KIF3B: variants seen among roughly 807,000 people sequenced by gnomAD.
KIF3B encodes kinesin-like protein KIF3B.
Under a neutral mutation model 74.3 loss-of-function variants are expected in KIF3B, and 38 were observed. The observed-to-expected ratio is 0.51, with a 90% confidence interval of 0.39 to 0.67. The LOEUF (loss-of-function observed/expected upper bound fraction) is 0.67. Ranked by LOEUF, KIF3B falls within the 30% of genes least tolerant of loss-of-function variation. The probability of loss-of-function intolerance (pLI) is 0.00; values close to 1 mark genes in which losing one functional copy is unlikely to be tolerated. For missense variants in KIF3B, 649 were observed against 932.0 expected (o/e 0.70, Z 3.95); for synonymous variants, 326 against 342.5 (o/e 0.95, Z 0.53).
chr20:32,316,655 A>C lies in KIF3B; in HGVS notation c.1629+6A>C. On this transcript the variant is annotated splice_donor_region_variant and intron_variant, in intron 4 of 8. Coordinates refer to ENST00000375712, the MANE Select transcript of KIF3B (RefSeq NM_004798.4). ...AGACCAAAAAACTCAAAAAGGTATG[A>C]AAGGAATGAGGCCAGATGGAGTTGC... 1 of 1,614,180 alleles carries C rather than the reference A, an allele frequency of 6.2e-7. No individual in the cohort carries two copies. The highest frequency in any genetic ancestry group is 1.1e-5 in the South Asian group (1 of 91,082).
At chr20:32,330,477 G>A (rs1600441994) in intron 8 of KIF3B, among the ~76,000 whole-genome samples, 158 bp downstream of exon 8, 1 of 152,156 alleles carries the variant, frequency 6.6e-6, no homozygotes, top group South Asian at 2.1e-4. Context: ...AAATATTTAT[G>A]GTTGAGACAC....
chr20:32,303,305 C>A (rs1204673478), intron 1 of KIF3B, among the ~76,000 whole-genome samples: 1 of 152,146 alleles, frequency 6.6e-6, no homozygotes, highest in Non-Finnish European at 1.5e-5. Flanking sequence ...TGGCTCATGC[C>A]TGTAATCCCA....
intron 1 of KIF3B, among the ~76,000 whole-genome samples, chr20:32,301,657 G>A (rs1396458419): frequency 6.6e-6 from 1 of 152,152 alleles, no homozygotes; most frequent in African/African-American, 2.4e-5. Context: ...GATTACAGAT[G>A]TGAGCCACCA....
intron 1 of KIF3B, among the ~76,000 whole-genome samples, chr20:32,296,487 C>T (rs2047717716): frequency 6.6e-6 from 1 of 151,988 alleles, no homozygotes; most frequent in Non-Finnish European, 1.5e-5. Flanking sequence ...GCCATCCCAG[C>T]TACTCGGGAG....
chr20:32,320,551 T>C (rs2047855311), intron 5 of KIF3B, among the ~76,000 whole-genome samples: 1 of 151,240 alleles, frequency 6.6e-6, no homozygotes, highest in African/African-American at 2.4e-5. Context: ...TAAGGCCTTC[T>C]TCTGTCAATC....
intron 1 of KIF3B, among the ~76,000 whole-genome samples, chr20:32,299,484 C>T (rs1358479953): frequency 2.1e-5 from 3 of 139,930 alleles, no homozygotes; most frequent in Admixed American, 7.5e-5. Context: ...AATCTCAGCT[C>T]GCTTGCAACC....
intron 2 of KIF3B, among the ~76,000 whole-genome samples, chr20:32,314,917 C>T (rs145736937): frequency 7.2e-5 from 11 of 152,208 alleles, no homozygotes; most frequent in South Asian, 2.1e-4. Flanking sequence ...TCAGAGCCTG[C>T]TCTTGCCTTC....
At chr20:32,319,267 C>T (rs1600434471) in intron 5 of KIF3B, among the ~76,000 whole-genome samples, 1 of 151,152 alleles carries the variant, frequency 6.6e-6, no homozygotes, top group East Asian at 2.0e-4. Flanking sequence ...GGCCTCTCCA[C>T]ATCCTTGTCG....
At chr20:32,318,302 C>CA (rs11484333) in intron 5 of KIF3B, among the ~76,000 whole-genome samples, 97,214 of 145,184 alleles carry the variant, frequency 0.67, 33,284 homozygotes, top group East Asian at 0.98. Context: ...ATTCTTGTCT[C>CA]AAAAAAAAAA....
Position 32,295,228 on chromosome 20 carries a change from A to T in KIF3B, c.-65-14485A>T, listed in dbSNP as rs190776447. Among the ~76,000 whole-genome samples, 104 of 152,132 alleles carry T rather than the reference A, an allele frequency of 6.8e-4. No homozygotes were observed. The Middle Eastern group carries it at 0.017, about 25-fold the overall frequency. ...CTTATATGTTCTTTCTGTAAGGGAC[A>T]TTTTGAAACTTTTTAGACAGTTCAC... On this transcript the variant is annotated intron_variant, in intron 1 of 8. Coordinates refer to ENST00000375712, the MANE Select transcript of KIF3B (RefSeq NM_004798.4).
chr20:32,310,442 C>T lies in KIF3B; in HGVS notation c.665C>T (p.Thr222Ile). The T allele has an allele frequency of 6.2e-7, 1 of 1,614,168 alleles. No homozygotes were observed. The highest frequency in any genetic ancestry group is 8.5e-7 in the Non-Finnish European group (1 of 1,180,046). Reference sequence around the variant, plus strand: ...CGTTCTCATGCAATTTTCGTTATCACTATTGAGTGCAGCGAGGTGGGCCTC... The same window carrying T: ...CGTTCTCATGCAATTTTCGTTATCATTATTGAGTGCAGCGAGGTGGGCCTC... ...SSRSHAIFVI[T>I]IECSEVGLDG... The change falls in exon 2 of 9, where the codon ACT becomes ATT. Residue 222 changes from threonine to isoleucine, a missense_variant. By Grantham distance (89) the Thr-to-Ile change is moderately conservative (BLOSUM62 -1). Coordinates refer to ENST00000375712, the MANE Select transcript of KIF3B (RefSeq NM_004798.4). The surrounding 1 kb of genome is among the most constrained non-coding windows in gnomAD (Gnocchi z 6.5).
chr20:32,306,515 A>G (rs2047771956), intron 1 of KIF3B, among the ~76,000 whole-genome samples: 1 of 152,024 alleles, frequency 6.6e-6, no homozygotes. Context: ...GGGATTGAAA[A>G]GTATTATTAG....
chr20:32,290,758 A>G (rs1405669558), intron 1 of KIF3B, among the ~76,000 whole-genome samples: 1 of 151,982 alleles, frequency 6.6e-6, no homozygotes. Context: ...ATGTACCTGT[A>G]GTCTCAGCTA....
At chr20:32,325,724 G>A (rs1270992419) in intron 5 of KIF3B, among the ~76,000 whole-genome samples, 5 of 128,208 alleles carry the variant, frequency 3.9e-5, no homozygotes, top group African/African-American at 1.5e-4. Flanking sequence ...CCAGAGTGCA[G>A]TGGTGTGATC....
intron 1 of KIF3B, among the ~76,000 whole-genome samples, chr20:32,299,403 A>AT (rs11473044): frequency 1.1e-3 from 10 of 9,026 alleles, no homozygotes; most frequent in Non-Finnish European, 8.6e-4. Context: ...ATATATATAT[A>AT]TTTTTTTTTT....
chr20:32,310,486 C>T lies in KIF3B; in HGVS notation c.709C>T (p.Arg237Cys), dbSNP rs1388972128. 7 of 1,613,714 alleles carry T rather than the reference C, an allele frequency of 4.3e-6. No homozygotes were observed. Among genetic ancestry groups the T allele is most frequent in the Admixed American group, 1.7e-5 (1 of 59,996 alleles). The change falls in exon 2 of 9, where the codon CGT becomes TGT. Residue 237 changes from arginine (R) to cysteine (C), a missense_variant. Arg to Cys is a radical substitution (Grantham distance 180). Coordinates refer to ENST00000375712, the MANE Select transcript of KIF3B (RefSeq NM_004798.4). This position sits in a 1 kb window ranked among gnomAD's most constrained non-coding sequence, Gnocchi z 6.5. The stretch of plus-strand genomic sequence containing the variant: ...GGGCCTCGATGGTGAAAACCACATC[C>T]GTGTAGGAAAATTGAACCTTGTAGA... ...EVGLDGENHI[R>C]VGKLNLVDLA...
intron 1 of KIF3B, among the ~76,000 whole-genome samples, chr20:32,291,320 T>A (rs2047690242): frequency 6.6e-6 from 1 of 152,158 alleles, no homozygotes. Context: ...GGGTGATTTT[T>A]TTTTCATTTG....
intron 1 of KIF3B, among the ~76,000 whole-genome samples, chr20:32,301,400 G>A (rs1600423825): frequency 1.3e-5 from 2 of 150,662 alleles, no homozygotes; most frequent in Non-Finnish European, 2.9e-5. Context: ...TTTTTGAGAC[G>A]TAGTTCTGCT....
At position 32,299,396 on chromosome 20, in the gene KIF3B, TA is replaced by T. The variant is rs1242167027; in HGVS notation, c.-65-10316del. ...GTGTGTGTGTATATATATATATATA[TA>T]TATATATTTTTTTTTTTTTTTTTTT... On this transcript the variant is annotated intron_variant, in intron 1 of 8. Transcript: ENST00000375712. 2.3e-3 allele frequency among the ~76,000 whole-genome samples: 151 copies of T among 64,300 alleles called. 5 individuals are homozygous for T. Among genetic ancestry groups the T allele is most frequent in the Admixed American group, 0.021 (101 of 4,926 alleles). The allele number at this position is 64,300 out of a possible 152,430, so 42.2% of individuals were successfully genotyped here.
Sources: gnomAD v4.1 joint callset for allele counts (sites outside exome capture counted in the v4.1 genomes callset) on GRCh38, gnomAD v4.1.1 for gene constraint, Gnocchi (gnomAD v3.1) non-coding constraint, MANE v1.5 for transcripts, NCBI Gene and HGNC (gene_info 2026-07-23, HGNC 2026-07-21) for gene names.